SLC15A3: variants seen among roughly 807,000 people sequenced by gnomAD.
SLC15A3 encodes solute carrier family 15 member 3, also known as osteoclast transporter.
SLC15A3 carries 39 observed loss-of-function variants against 49.2 expected under a neutral mutation model. The observed-to-expected ratio is 0.79, with a 90% CI of 0.61 to 1.04. SLC15A3 has a LOEUF of 1.04. Among genes scored for constraint, SLC15A3 ranks in the 50% least tolerant of loss-of-function variants. The pLI is 0.00. For missense variants in SLC15A3, 758 were observed against 794.8 expected, an observed-to-expected ratio of 0.95 and a Z score of 0.56; for synonymous variants, 339 against 367.0, an observed-to-expected ratio of 0.92 and a Z score of 0.87.
chr11:60,937,353 T>C lies in SLC15A3; in HGVS notation c.1612A>G (p.Met538Val). The change falls in exon 8 of 8, where the codon ATG becomes GTG. Residue 538 changes from methionine to valine, a missense_variant. Physicochemically the swap from Met to Val is conservative, Grantham distance 21. Transcript: ENST00000227880. Reference protein sequence around the residue: ...KDFGNINNCRMDLYFFLLAGI... With the variant: ...KDFGNINNCRVDLYFFLLAGI... Reference sequence around the variant, plus strand: ...GCCAGCAGGAAGAAGTAGAGGTCCATCCGGCAATTGTTGATGTTCCCTGGG... The same window carrying C: ...GCCAGCAGGAAGAAGTAGAGGTCCACCCGGCAATTGTTGATGTTCCCTGGG... 2 of 1,614,118 alleles carry C rather than the reference T, an allele frequency of 1.2e-6. No individual in the cohort carries two copies. Among genetic ancestry groups the C allele is most frequent in the Non-Finnish European group, 1.7e-6 (2 of 1,180,008 alleles).
chr11:60,943,014 G>A (rs1339341559), intron 3 of SLC15A3: 1 of 151,590 alleles, frequency 6.6e-6, no homozygotes, highest in Non-Finnish European at 1.5e-5. Flanking sequence ...TCCCCACTGA[G>A]GAGTAATATG....
At chr11:60,939,869 C>T in intron 5 of SLC15A3, 2 of 545,600 alleles carry the variant, frequency 3.7e-6, no homozygotes, top group Non-Finnish European at 6.5e-6. Context: ...CACTCAATAA[C>T]ACTAACAACT....
chr11:60,937,199 G>A lies in SLC15A3; in HGVS notation c.*20C>T, dbSNP rs1856628164. 6.2e-7 allele frequency: 1 copy of A among 1,604,934 alleles called. No homozygotes were observed. Among genetic ancestry groups the A allele is most frequent in the Non-Finnish European group, 8.5e-7 (1 of 1,173,206 alleles). ...CGTCTGTCCGGTAGAGTGAAGCAAG[G>A]GGGCTGGAATAGGGCCTGTTCAGCC... On this transcript the variant is annotated 3_prime_UTR_variant, in exon 8 of 8. Coordinates refer to ENST00000227880, the MANE Select transcript of SLC15A3 (RefSeq NM_016582.3).
chr11:60,950,737 G>A (rs1188300714), intron 1 of SLC15A3, among the ~76,000 whole-genome samples: 1 of 152,264 alleles, frequency 6.6e-6, no homozygotes, highest in African/African-American at 2.4e-5. Flanking sequence ...GTTGCAGTGC[G>A]CTGAGATCGC....
At chr11:60,939,446 C>G (rs1239341999) in intron 6 of SLC15A3, 34 bp downstream of exon 6, 2 of 1,610,138 alleles carry the variant, frequency 1.2e-6, no homozygotes, top group Non-Finnish European at 1.7e-6. Flanking sequence ...GAGCCCATCA[C>G]TGGTGCAGGA....
Position 60,951,230 on chromosome 11 carries a change from G to GGCTGAGCGC in SLC15A3, c.313_321dup (p.Ala105_Ser107dup). 1 of 1,510,304 alleles carries GGCTGAGCGC rather than the reference G, an allele frequency of 6.6e-7. No individual in the cohort carries two copies. Among genetic ancestry groups the GGCTGAGCGC allele is most frequent in the Non-Finnish European group, 8.8e-7 (1 of 1,134,202 alleles). The allele number at this position is 1,510,304 out of a possible 1,614,324, so 93.6% of individuals were successfully genotyped here. A position where few individuals can be genotyped will look rare whatever the true frequency, so the allele number is the denominator to read the frequency against. On this transcript the variant is annotated inframe_insertion, in exon 1 of 8. Coordinates refer to ENST00000227880, the MANE Select transcript of SLC15A3 (RefSeq NM_016582.3). ...CCCGAGGCGGCCAGGTAGAGCAGCAGGCTGAGCGCGACCGCGCGGTAGCGG... is the reference window on the plus strand; with the variant it reads ...CCCGAGGCGGCCAGGTAGAGCAGCAGGCTGAGCGCGCTGAGCGCGACCGCGCGGTAGCGG...
chr11:60,945,605 G>A (rs522141), intron 2 of SLC15A3, among the ~76,000 whole-genome samples: 56,419 of 152,098 alleles, frequency 0.37, 12,007 homozygotes, highest in Middle Eastern at 0.47. Flanking sequence ...CCTATTGACA[G>A]GAGCTGTAAC....
Position 60,938,020 on chromosome 11 carries a change from CCAGGCCTG to C in SLC15A3, c.1436-3_1440del, listed in dbSNP as rs1254719770. On this transcript the variant is annotated splice_acceptor_variant and splice_polypyrimidine_tract_variant and coding_sequence_variant and intron_variant, in exon 7 of 8. Coordinates refer to ENST00000227880, the MANE Select transcript of SLC15A3 (RefSeq NM_016582.3). LOFTEE classifies it high-confidence loss of function. ...CGCGGGGCCTCTGAGTAGGCAAACTCCAGGCCTGCAGAGGGGGAGCAGAGACGATCTCA... is the reference window on the plus strand; with the variant it reads ...CGCGGGGCCTCTGAGTAGGCAAACTCCAGAGGGGGAGCAGAGACGATCTCA... The C allele has an allele frequency of 6.2e-7, 1 of 1,613,716 alleles. No homozygotes were observed. The highest frequency in any genetic ancestry group is 8.5e-7 in the Non-Finnish European group (1 of 1,179,870).
At chr11:60,946,946 C>T in intron 1 of SLC15A3, 125 bp from the exon 2 acceptor site, 1 of 1,020,096 alleles carries the variant, frequency 9.8e-7, no homozygotes. Context: ...GACACTTTCC[C>T]AGTCTCTGAT....
Position 60,941,159 on chromosome 11 carries a change from C to T in SLC15A3, c.1239G>A (p.Leu413=), listed in dbSNP as rs899609243. 11 of 1,613,804 alleles carry T rather than the reference C, an allele frequency of 6.8e-6. No homozygotes were observed. The highest frequency in any genetic ancestry group is 5.1e-6 in the Non-Finnish European group (6 of 1,179,912). The change falls in exon 5 of 8, where the codon CTG becomes CTA. Residue 413 remains leucine (L), a synonymous_variant. Coordinates refer to ENST00000227880, the MANE Select transcript of SLC15A3 (RefSeq NM_016582.3). ...CGGAGGTAAAACCAAAGAACATCCC[C>T]AGCGCCATCTTCTGCAGAGCAGAGG... ...LLPSALQKMA[L]GMFFGFTSVI... is the part of the protein sequence containing the mutation.
rs533865798 is a variant in SLC15A3, at chr11:60,937,900, C to G, written c.1561G>C (p.Gly521Arg). Residue 521 changes from glycine (G) to arginine (R), a missense_variant, in exon 7 of 8, where the codon GGG (glycine) becomes CGG (arginine). By Grantham distance (125) the Gly-to-Arg change is moderately radical. Transcript: ENST00000227880. ...SSLVALLSLP[G>R]GWLHCPKDFG... The stretch of plus-strand genomic sequence containing the variant: ...TCCTTGGGGCAGTGCAGCCAGCCCC[C>G]GGGCAAGGACAGCAGTGCCACTAGG... The G allele has an allele frequency of 7.0e-5, 113 of 1,614,028 alleles. No homozygotes were observed. Among genetic ancestry groups the G allele is most frequent in the Non-Finnish European group, 9.3e-5 (110 of 1,179,980 alleles).
At position 60,939,532 on chromosome 11, in the gene SLC15A3, C is replaced by T; in HGVS notation, c.1383G>A (p.Gln461=). The part of the protein sequence containing the change: ...YNAAPLSIWW[Q]IPQYLLIGIS... ...TCCCAATGAGCAGGTACTGAGGGAT[C>T]TGCCACCAGATGGACAGTGGTGCCG... Residue 461 remains glutamine, a synonymous_variant, in exon 6 of 8, where the codon CAG becomes CAA. Transcript: ENST00000227880. 6.2e-7 allele frequency: 1 copy of T among 1,614,186 alleles called. No individual in the cohort carries two copies. The highest frequency in any genetic ancestry group is 8.5e-7 in the Non-Finnish European group (1 of 1,180,014).
chr11:60,938,254 G>A (rs1300898280), intron 6 of SLC15A3: 4 of 513,726 alleles, frequency 7.8e-6, no homozygotes, highest in East Asian at 3.3e-5. Context: ...TACTCCATGC[G>A]CTGCCCCAAT....
chr11:60,943,864 A>G, intron 2 of SLC15A3, 28 bp from the exon 3 acceptor site: 5 of 1,490,204 alleles, frequency 3.4e-6, no homozygotes, highest in Non-Finnish European at 4.5e-6. Flanking sequence ...CAGCAGATAA[A>G]ACAACAGTCA....
chr11:60,947,747 CA>C (rs1856825910), intron 1 of SLC15A3: 1 of 152,150 alleles, frequency 6.6e-6, no homozygotes, highest in African/African-American at 2.4e-5. Flanking sequence ...GGCCTCCCAG[CA>C]AGGGCAGATG....
At position 60,939,603 on chromosome 11, in the gene SLC15A3, G is replaced by A; in HGVS notation, c.1312C>T (p.His438Tyr). 11 of 1,614,148 alleles carry A rather than the reference G, an allele frequency of 6.8e-6. No homozygotes were observed. Among genetic ancestry groups the A allele is most frequent in the Non-Finnish European group, 9.3e-6 (11 of 1,179,980 alleles). Residue 438 changes from histidine to tyrosine, a missense_variant, in exon 6 of 8, where the codon CAC becomes TAC. Physicochemically the swap from His to Tyr is moderately conservative, Grantham distance 83. Transcript: ENST00000227880. ...LEMERLHYIH[H>Y]NETVSQQIGE... Reference sequence around the variant, plus strand: ...ATCTGCTGGGACACGGTCTCGTTGTGGTGGATGTAGTGTAAGCGCTCCATC... The same window carrying A: ...ATCTGCTGGGACACGGTCTCGTTGTAGTGGATGTAGTGTAAGCGCTCCATC...
Position 60,951,360 on chromosome 11 carries a change from G to A in SLC15A3, c.192C>T (p.Asn64=). ...ANLVLYLNST[N]FNWTGEQATR... ...TCGCCTGCTCGCCGGTCCAGTTGAA[G>A]TTGGTGCTGTTGAGGTACAGCACGA... is the stretch of plus-strand genomic sequence containing the variant. The change falls in exon 1 of 8, where the codon AAC becomes AAT. Residue 64 remains asparagine, a synonymous_variant. Coordinates refer to ENST00000227880, the MANE Select transcript of SLC15A3 (RefSeq NM_016582.3). 5 of 1,551,050 alleles carry A rather than the reference G, an allele frequency of 3.2e-6. No individual in the cohort carries two copies. The highest frequency in any genetic ancestry group is 4.3e-6 in the Non-Finnish European group (5 of 1,152,640).
chr11:60,938,007 G>T lies in SLC15A3; in HGVS notation c.1454C>A (p.Ser485Ter). ...ASIPGLEFAY[S>*]EAPRSMQGAI... ...GCCCTGCATGGAGCGCGGGGCCTCT[G>T]AGTAGGCAAACTCCAGGCCTGCAGA... is the stretch of plus-strand genomic sequence containing the variant. The change falls in exon 7 of 8, where the codon TCA becomes TAA. Residue 485 changes from serine to a stop codon, truncating the protein, a stop_gained. Coordinates refer to ENST00000227880, the MANE Select transcript of SLC15A3 (RefSeq NM_016582.3). LOFTEE classifies it high-confidence loss of function. The T allele has an allele frequency of 6.2e-7, 1 of 1,613,900 alleles. No homozygotes were observed. The highest frequency in any genetic ancestry group is 8.5e-7 in the Non-Finnish European group (1 of 1,179,916).
chr11:60,945,388 C>T (rs924641153), intron 2 of SLC15A3, among the ~76,000 whole-genome samples: 3 of 152,122 alleles, frequency 2.0e-5, no homozygotes, highest in East Asian at 1.9e-4. Context: ...AGTGCCATCA[C>T]GAGAAGCAGA....
Sources: gnomAD v4.1 joint callset for allele counts (sites outside exome capture counted in the v4.1 genomes callset) on GRCh38, gnomAD v4.1.1 for gene constraint, MANE v1.5 for transcripts, NCBI Gene and HGNC (gene_info 2026-07-23, HGNC 2026-07-21) for gene names.